The following SGCZ variants were observed in gnomAD, a reference collection of about 807,000 sequenced individuals.
SGCZ encodes zeta-sarcoglycan.
A neutral mutation model predicts 41.3 loss-of-function variants in SGCZ; 40 were observed. That is an observed-to-expected ratio of 0.97 (90% CI 0.75 to 1.26). The LOEUF (loss-of-function observed/expected upper bound fraction) is 1.26, where lower values mean the gene tolerates loss of function less well. Ranked by LOEUF, SGCZ falls within the 50% of genes most tolerant of loss-of-function variation. SGCZ has a pLI of 0.00. For missense variants in SGCZ, 552 were observed against 369.8 expected (o/e 1.49, Z -4.04); for synonymous variants, 206 against 137.5 (o/e 1.50, Z -3.49).
chr8:14,231,788 G>T (rs1170969474), intron 4 of SGCZ, among the ~76,000 whole-genome samples: 1 of 152,024 alleles, frequency 6.6e-6, no homozygotes, highest in Admixed American at 6.6e-5. Context: ...CAGCACATGT[G>T]AGAAAAACGT....
rs1047528839 is a variant in SGCZ at position 15,219,275 on chromosome 8, T to C, written c.39+18310A>G. 3.3e-5 allele frequency among the ~76,000 whole-genome samples: 5 copies of C among 152,306 alleles called. No individual in the cohort carries two copies. The South Asian group carries it at 1.0e-3, about 32-fold the overall frequency. On this transcript the variant is annotated intron_variant, in intron 1 of 7. Coordinates refer to ENST00000382080, the MANE Select transcript of SGCZ (RefSeq NM_139167.4). Reference sequence around the variant, plus strand: ...TGATACTATACTTTCCTTTCTCTTGTGTTTGTTCACATATATACATATAAG... The same window carrying C: ...TGATACTATACTTTCCTTTCTCTTGCGTTTGTTCACATATATACATATAAG...
chr8:14,769,939 T>C (rs1047465901), intron 1 of SGCZ, among the ~76,000 whole-genome samples: 1 of 151,348 alleles, frequency 6.6e-6, no homozygotes, highest in Non-Finnish European at 1.5e-5. Flanking sequence ...AAGATGCAAC[T>C]CAGTTGGCCT....
At chr8:14,158,610 A>C (rs901441781) in intron 5 of SGCZ, among the ~76,000 whole-genome samples, 1 of 152,188 alleles carries the variant, frequency 6.6e-6, no homozygotes, top group African/African-American at 2.4e-5. Flanking sequence ...CCATGAGAGG[A>C]ATTTGACTTA....
chr8:15,109,797 A>G (rs1806976248), intron 1 of SGCZ, among the ~76,000 whole-genome samples: 1 of 152,178 alleles, frequency 6.6e-6, no homozygotes, highest in Admixed American at 6.5e-5. Context: ...TGCTGTTAAA[A>G]TTACAGGTGA....
At chr8:14,882,947 T>C (rs903655823) in intron 1 of SGCZ, among the ~76,000 whole-genome samples, 1 of 152,140 alleles carries the variant, frequency 6.6e-6, no homozygotes, top group Admixed American at 6.6e-5. Flanking sequence ...CCACTGATTT[T>C]TAATTTTTTA....
chr8:14,879,529 T>G (rs1488200906), intron 1 of SGCZ, among the ~76,000 whole-genome samples: 1 of 151,848 alleles, frequency 6.6e-6, no homozygotes. Context: ...TGCTCTGAGT[T>G]TCTTATATAT....
At chr8:15,057,727 A>C (rs1162712549) in intron 1 of SGCZ, among the ~76,000 whole-genome samples, 1 of 152,254 alleles carries the variant, frequency 6.6e-6, no homozygotes, top group Non-Finnish European at 1.5e-5. Flanking sequence ...CAATTCTTCC[A>C]AGAATTAGCT....
intron 4 of SGCZ, among the ~76,000 whole-genome samples, chr8:14,201,078 C>T (rs932012379): frequency 2.6e-5 from 4 of 152,056 alleles, no homozygotes; most frequent in Non-Finnish European, 5.9e-5. Context: ...ACAATTAAAA[C>T]TATTAAATAC....
At chr8:14,682,737 ATAACT>A (rs1157339889) in intron 1 of SGCZ, among the ~76,000 whole-genome samples, 1 of 152,194 alleles carries the variant, frequency 6.6e-6, no homozygotes, top group East Asian at 1.9e-4. Flanking sequence ...AACCATGCAC[ATAACT>A]TAACAAACAG....
intron 1 of SGCZ, among the ~76,000 whole-genome samples, chr8:15,121,877 T>C (rs1240771698): frequency 7.4e-6 from 1 of 134,940 alleles, no homozygotes; most frequent in Non-Finnish European, 1.6e-5. Flanking sequence ...TGACCAAACA[T>C]GGGCTTTCTT....
intron 1 of SGCZ, among the ~76,000 whole-genome samples, chr8:15,224,622 A>C (rs1801708702): frequency 6.6e-6 from 1 of 152,210 alleles, no homozygotes; most frequent in Non-Finnish European, 1.5e-5. Flanking sequence ...AGCTAAATGC[A>C]GTAAATAGGC....
intron 1 of SGCZ, among the ~76,000 whole-genome samples, chr8:15,103,981 G>A (rs1347486611): frequency 6.6e-6 from 1 of 152,116 alleles, no homozygotes; most frequent in African/African-American, 2.4e-5. Context: ...TTAAGTGACC[G>A]TACGCTGGAT....
At position 15,154,295 on chromosome 8, in the gene SGCZ, G is replaced by A. The variant is rs568289655; in HGVS notation, c.39+83290C>T. Among the ~76,000 whole-genome samples, 10 of 152,258 alleles carry A rather than the reference G, an allele frequency of 6.6e-5. No homozygotes were observed. The South Asian group carries it at 2.1e-3, about 32-fold the overall frequency. ...ATATTTCTCACTCAAAGTACCTGTGGGCTGTGAGTCACCTAAAGCAGCAGA... is the reference window on the plus strand; with the variant it reads ...ATATTTCTCACTCAAAGTACCTGTGAGCTGTGAGTCACCTAAAGCAGCAGA... On this transcript the variant is annotated intron_variant, in intron 1 of 7. Transcript: ENST00000382080.
At chr8:15,235,707 A>G (rs1343261970) in intron 1 of SGCZ, among the ~76,000 whole-genome samples, 3 of 152,142 alleles carry the variant, frequency 2.0e-5, no homozygotes, top group Admixed American at 6.5e-5. Flanking sequence ...GAGTGGGATA[A>G]GCTAGGAAAC....
At chr8:14,613,869 G>C (rs929309948) in intron 1 of SGCZ, among the ~76,000 whole-genome samples, 5 of 152,002 alleles carry the variant, frequency 3.3e-5, no homozygotes, top group Admixed American at 3.3e-4. Flanking sequence ...TGTCAATTGA[G>C]GTTATCAAAA....
intron 1 of SGCZ, among the ~76,000 whole-genome samples, chr8:14,807,810 A>G (rs1801595332): frequency 6.6e-6 from 1 of 152,232 alleles, no homozygotes; most frequent in African/African-American, 2.4e-5. Context: ...TGGAGGCATC[A>G]CACTATCTGA....
chr8:14,107,151 G>A (rs1802229940), intron 6 of SGCZ, among the ~76,000 whole-genome samples: 2 of 152,042 alleles, frequency 1.3e-5, no homozygotes, highest in African/African-American at 4.8e-5. Flanking sequence ...GCGAGGCGGA[G>A]CTTGAGGTGA....
intron 2 of SGCZ, among the ~76,000 whole-genome samples, chr8:14,479,731 CTTTTTTTTTTT>C (rs529812029): frequency 1.9e-5 from 1 of 52,978 alleles, no homozygotes; most frequent in African/African-American, 5.0e-5. Context: ...AATTCTACTT[CTTTTTTTTTTT>C]TTTTTTTTTT....
chr8:15,107,900 G>A (rs747750089), intron 1 of SGCZ, among the ~76,000 whole-genome samples: 21 of 152,018 alleles, frequency 1.4e-4, no homozygotes, highest in Admixed American at 1.1e-3. Context: ...TTTCGTTCAG[G>A]TTTCATATTT....
Sources: allele counts gnomAD v4.1 joint callset (sites outside exome capture counted in the v4.1 genomes callset), GRCh38; gene constraint gnomAD v4.1.1; transcripts MANE v1.5; gene names NCBI Gene and HGNC (gene_info 2026-07-23, HGNC 2026-07-21).